Variants in OR8G1 observed in about 807,000 individuals in gnomAD.
OR8G1 encodes the protein olfactory receptor family 8 subfamily G member 1.
For synonymous variants in OR8G1, 129 were observed against 133.3 expected (o/e 0.97, Z 0.22); for missense variants, 372 against 356.2 (o/e 1.04, Z -0.36).
rs1283126357 is a variant in OR8G1 at position 124,252,190 on chromosome 11, T to TGA, written c.*1582_*1583dup. ...CCAAGTAGATTTGGATCTTCTTGCC[T>TGA]GAGAAAATTCTCAATCAATCATGGA... On this transcript the variant is annotated 3_prime_UTR_variant, in exon 3 of 3. Transcript: ENST00000641972. 1 of 152,306 alleles carries TGA rather than the reference T, an allele frequency of 6.6e-6. No homozygotes were observed. Among genetic ancestry groups the TGA allele is most frequent in the South Asian group, 2.1e-4 (1 of 4,826 alleles). 9.4% of individuals were successfully genotyped at this position (152,306 alleles called of 1,614,324 possible). A position where few individuals can be genotyped will look rare whatever the true frequency, so the allele number is the denominator to read the frequency against.
rs779996561 is a variant in OR8G1, at chr11:124,250,392, C to T, written c.717C>T (p.Ser239=). The part of the protein sequence containing the change: ...RSTEGRSKAF[S]TCSSHMLAVV... ...CTGAGGGCAGGTCCAAAGCCTTCAG[C>T]ACTTGTAGCTCCCACATGTTGGCGG... The change falls in exon 3 of 3, where the codon AGC becomes AGT. Residue 239 remains serine (S), a synonymous_variant. Coordinates refer to ENST00000641972, the MANE Select transcript of OR8G1 (RefSeq NM_001002905.2). 1.2e-6 allele frequency: 2 copies of T among 1,613,778 alleles called. No homozygotes were observed. The highest frequency in any genetic ancestry group is 3.3e-5 in the Admixed American group (2 of 59,952).
At position 124,251,128 on chromosome 11, in the gene OR8G1, G is replaced by A. The variant is rs1162123542; in HGVS notation, c.*517G>A. ...ATTTCAGAATATAAGTTACATATCC[G>A]TGTATGTGTTATAATTGTGCAATCC... is the stretch of plus-strand genomic sequence containing the variant. On this transcript the variant is annotated 3_prime_UTR_variant, in exon 3 of 3. Coordinates refer to ENST00000641972, the MANE Select transcript of OR8G1 (RefSeq NM_001002905.2). 1.1e-3 allele frequency: 121 copies of A among 105,978 alleles called. 33 individuals carry two copies. In the East Asian group the frequency reaches 0.029, roughly 25 times the overall value. 6.6% of individuals were successfully genotyped at this position (105,978 alleles called of 1,614,324 possible). A position where few individuals can be genotyped will look rare whatever the true frequency, so the allele number is the denominator to read the frequency against.
Position 124,250,615 on chromosome 11 carries a change from G to A in OR8G1, c.*4G>A. The A allele has an allele frequency of 5.2e-6, 2 of 382,860 alleles. 1 individual carries two copies. The highest frequency in any genetic ancestry group is 2.0e-4 in the African/African-American group (2 of 10,088). The allele number at this position is 382,860 out of a possible 1,614,324, so 23.7% of individuals were successfully genotyped here. A position where few individuals can be genotyped will look rare whatever the true frequency, so the allele number is the denominator to read the frequency against. ...ACAGAGAAGAACATTATTGTAAACA[G>A]TAATAATAAGAAGATGATATATTAA... On this transcript the variant is annotated 3_prime_UTR_variant, in exon 3 of 3. Transcript: ENST00000641972.
Position 124,251,546 on chromosome 11 carries a change from C to T in OR8G1, c.*935C>T. On this transcript the variant is annotated 3_prime_UTR_variant, in exon 3 of 3. Transcript: ENST00000641972. ...TGTGTATTTGTTCTGTGAAAAATCC[C>T]AATGCAGATATGATAACTTGTTAAC... is the stretch of plus-strand genomic sequence containing the variant. The T allele has an allele frequency of 2.6e-6, 1 of 386,286 alleles. No individual in the cohort carries two copies. The highest frequency in any genetic ancestry group is 4.5e-6 in the Non-Finnish European group (1 of 222,196). 23.9% of individuals were successfully genotyped at this position (386,286 alleles called of 1,614,324 possible).
intron 1 of OR8G1, among the ~76,000 whole-genome samples, chr11:124,246,308 C>G (rs1591391504): frequency 6.6e-6 from 1 of 151,834 alleles, no homozygotes; most frequent in African/African-American, 2.4e-5. Flanking sequence ...TTGATGCTAG[C>G]TTATTGCTAT....
At chr11:124,245,505 T>TA in intron 1 of OR8G1, among the ~76,000 whole-genome samples, 1 of 107,664 alleles carries the variant, frequency 9.3e-6, no homozygotes. Context: ...AGCAGCATGA[T>TA]TTATAGTCTT....
At chr11:124,245,699 T>C (rs1439878418) in intron 1 of OR8G1, among the ~76,000 whole-genome samples, 6 of 135,278 alleles carry the variant, frequency 4.4e-5, no homozygotes, top group African/African-American at 1.5e-4. Flanking sequence ...TTTTAATGAT[T>C]GCCATTCTAA....
chr11:124,248,715 C>G (rs1050221570), intron 2 of OR8G1, among the ~76,000 whole-genome samples: 2 of 151,624 alleles, frequency 1.3e-5, no homozygotes, highest in African/African-American at 4.8e-5. Context: ...TGTACTTCTT[C>G]CTAATTCACA....
intron 1 of OR8G1, among the ~76,000 whole-genome samples, chr11:124,246,656 ATAAT>A (rs1187107727): frequency 6.6e-6 from 1 of 151,822 alleles, no homozygotes. Context: ...TCTAAACAAC[ATAAT>A]TAATGCATTA....
At chr11:124,248,147 A>G (rs773659287) in intron 2 of OR8G1, among the ~76,000 whole-genome samples, 1 of 151,952 alleles carries the variant, frequency 6.6e-6, no homozygotes, top group Non-Finnish European at 1.5e-5. Context: ...CTTAAGGACT[A>G]TTCATACATA....
rs1861891110 is a variant in OR8G1 at position 124,254,297 on chromosome 11, CTT to C, written c.*3690_*3691del. On this transcript the variant is annotated 3_prime_UTR_variant, in exon 3 of 3. Coordinates refer to ENST00000641972, the MANE Select transcript of OR8G1 (RefSeq NM_001002905.2). The stretch of plus-strand genomic sequence containing the variant: ...ATTTGATGATTTGTAATTTTGAACA[CTT>C]TTTCATATACCTGTTGACCATTTTT... The C allele has an allele frequency of 6.6e-6, 1 of 152,200 alleles. No homozygotes were observed. The highest frequency in any genetic ancestry group is 6.5e-5 in the Admixed American group (1 of 15,270). The allele number at this position is 152,200 out of a possible 1,614,324, so 9.4% of individuals were successfully genotyped here. A position where few individuals can be genotyped will look rare whatever the true frequency, so the allele number is the denominator to read the frequency against.
rs199680811 is a variant in OR8G1, at chr11:124,249,753, C to T, written c.78C>T (p.Pro26=). The part of the protein sequence containing the change: ...GLSEQPELQL[P]LFLLFLGIYV... The stretch of plus-strand genomic sequence containing the variant: ...CAGAACAGCCAGAGCTCCAGCTGCC[C>T]CTCTTCCTCCTGTTCTTAGGAATCT... Residue 26 remains proline, a synonymous_variant, in exon 3 of 3, where the codon CCC becomes CCT. Coordinates refer to ENST00000641972, the MANE Select transcript of OR8G1 (RefSeq NM_001002905.2). 6 of 1,613,636 alleles carry T rather than the reference C, an allele frequency of 3.7e-6. No homozygotes were observed. The highest frequency in any genetic ancestry group is 2.2e-5 in the East Asian group (1 of 44,872).
intron 1 of OR8G1, among the ~76,000 whole-genome samples, chr11:124,247,571 C>A (rs930085565): frequency 1.3e-5 from 2 of 151,748 alleles, no homozygotes; most frequent in African/African-American, 2.4e-5. Context: ...TGAATACTTC[C>A]AAACATTTAA....
In OR8G1 at chr11:124,250,200, C is replaced by T. The variant is rs986504257; in HGVS notation, c.525C>T (p.Asn175=). 6.2e-7 allele frequency: 1 copy of T among 1,613,704 alleles called. No homozygotes were observed. The highest frequency in any genetic ancestry group is 8.5e-7 in the Non-Finnish European group (1 of 1,179,806). ...RVQFCKFDLI[N]HYFCDLLPLL... is the part of the protein sequence containing the mutation. ...AATTCTGCAAATTTGATTTGATTAA[C>T]CATTATTTCTGTGATCTTCTTCCCC... The change falls in exon 3 of 3, where the codon AAC becomes AAT. Residue 175 remains asparagine, a synonymous_variant. Coordinates refer to ENST00000641972, the MANE Select transcript of OR8G1 (RefSeq NM_001002905.2).
At position 124,250,491 on chromosome 11, in the gene OR8G1, A is replaced by T; in HGVS notation, c.816A>T (p.Lys272Asn). ...PSSISSMDQGKVSSVFYTIIV... is the reference protein window; with the variant it reads ...PSSISSMDQGNVSSVFYTIIV... ...CAATCAGCTCCATGGACCAGGGGAAAGTATCCTCTGTGTTTTATACTATTA... is the reference window on the plus strand; with the variant it reads ...CAATCAGCTCCATGGACCAGGGGAATGTATCCTCTGTGTTTTATACTATTA... The change falls in exon 3 of 3, where the codon AAA (lysine) becomes AAT (asparagine). Residue 272 changes from lysine to asparagine, a missense_variant. Coordinates refer to ENST00000641972, the MANE Select transcript of OR8G1 (RefSeq NM_001002905.2). The T allele has an allele frequency of 6.2e-7, 1 of 1,613,714 alleles. No homozygotes were observed. The highest frequency in any genetic ancestry group is 1.7e-5 in the Admixed American group (1 of 59,916).
rs115458073 is a variant in OR8G1 at position 124,250,072 on chromosome 11, A to G, written c.397A>G (p.Ser133Gly). 625 of 1,613,814 alleles carry G rather than the reference A, an allele frequency of 3.9e-4. 2 individuals are homozygous for G. In the African/African-American group the frequency reaches 6.8e-3, roughly 18 times the overall value. The change falls in exon 3 of 3, where the codon AGT becomes GGT. Residue 133 changes from serine to glycine, a missense_variant. Transcript: ENST00000641972. Reference protein sequence around the residue: ...YMAICSPLLYSVIISNKACFS... With the variant: ...YMAICSPLLYGVIISNKACFS... ...GGCCATCTGTAGCCCCTTGCTGTAC[A>G]GTGTCATCATATCCAATAAGGCTTG...
At chr11:124,242,699 A>G (rs958392017) in intron 1 of OR8G1, among the ~76,000 whole-genome samples, 3 of 152,038 alleles carry the variant, frequency 2.0e-5, no homozygotes, top group African/African-American at 4.8e-5. Context: ...CCACTATTCT[A>G]TGGACTTCAT....
intron 2 of OR8G1, among the ~76,000 whole-genome samples, chr11:124,249,328 G>T (rs2512238): frequency 0.51 from 77,404 of 151,566 alleles, 20,376 homozygotes; most frequent in South Asian, 0.7. Context: ...TCTCCAAGTT[G>T]TCATGAGTTC....
chr11:124,242,373 G>A (rs368510605), intron 1 of OR8G1, among the ~76,000 whole-genome samples: 14 of 152,084 alleles, frequency 9.2e-5, no homozygotes, highest in African/African-American at 3.4e-4. Flanking sequence ...TGATAAGTGT[G>A]GAATGGTGCT....
Sources: allele counts gnomAD v4.1 joint callset (sites outside exome capture counted in the v4.1 genomes callset), GRCh38; gene constraint gnomAD v4.1.1; transcripts MANE v1.5; gene names NCBI Gene and HGNC (gene_info 2026-07-23, HGNC 2026-07-21).